Variants in SIL1 observed in about 807,000 individuals in gnomAD.
SIL1 encodes the protein nucleotide exchange factor SIL1.
Under a neutral mutation model 49.1 loss-of-function variants are expected in SIL1, and 40 were observed. The observed-to-expected ratio is 0.81, with a 90% CI of 0.63 to 1.06. The LOEUF is 1.06. Among genes scored for constraint, SIL1 ranks in the 50% least tolerant of loss-of-function variants. The pLI is 0.00. For synonymous variants in SIL1, 253 were observed against 250.8 expected, an observed-to-expected ratio of 1.01 and a Z score of -0.08; for missense variants, 500 against 572.6, an observed-to-expected ratio of 0.87 and a Z score of 1.29.
At chr5:139,068,546 G>A (rs1769756372) in intron 3 of SIL1, among the ~76,000 whole-genome samples, 1 of 151,532 alleles carries the variant, frequency 6.6e-6, no homozygotes, top group East Asian at 1.9e-4. Context: ...TAAAACTGGA[G>A]GAGTAAAACA....
rs1311748131 is a variant in SIL1, at chr5:139,002,099, TACCTGGGG to T, written c.767+19064_767+19071del. Among the ~76,000 whole-genome samples, 6 of 151,752 alleles carry T rather than the reference TACCTGGGG, an allele frequency of 4.0e-5. No individual in the cohort carries two copies. The East Asian group carries it at 1.2e-3, about 29-fold the overall frequency. On this transcript the variant is annotated intron_variant, in intron 7 of 9. Coordinates refer to ENST00000394817, the MANE Select transcript of SIL1 (RefSeq NM_022464.5). Reference sequence around the variant, plus strand: ...GGTGGCACTCACCTGTAGTCCCAGCTACCTGGGGGACTGGGGCAAGAGGATTGCTTGAA... The same window carrying T: ...GGTGGCACTCACCTGTAGTCCCAGCTGACTGGGGCAAGAGGATTGCTTGAA...
intron 7 of SIL1, among the ~76,000 whole-genome samples, chr5:138,963,960 T>C (rs1378198822): frequency 6.6e-6 from 1 of 152,190 alleles, no homozygotes; most frequent in African/African-American, 2.4e-5. Flanking sequence ...CAGGTCTCAC[T>C]GGAGGCTGAG....
intron 7 of SIL1, among the ~76,000 whole-genome samples, chr5:138,983,672 C>T (rs377264220): frequency 6.6e-6 from 1 of 151,984 alleles, no homozygotes; most frequent in Non-Finnish European, 1.5e-5. Context: ...CTACCCTGCC[C>T]GGACTCCCAC....
intron 3 of SIL1, among the ~76,000 whole-genome samples, chr5:139,120,210 T>C (rs1171553145): frequency 6.6e-6 from 1 of 152,174 alleles, no homozygotes; most frequent in African/African-American, 2.4e-5. Flanking sequence ...GCCATCCACC[T>C]TGCCACTCCT....
chr5:139,150,109 T>C (rs933730737), intron 1 of SIL1, among the ~76,000 whole-genome samples: 1 of 152,200 alleles, frequency 6.6e-6, no homozygotes. Flanking sequence ...CTTCACTTAA[T>C]AGAAGGAGCC....
chr5:139,027,061 A>G lies in SIL1; in HGVS notation c.454-69T>C, dbSNP rs1768674171. 5 of 1,468,620 alleles carry G rather than the reference A, an allele frequency of 3.4e-6. No individual in the cohort carries two copies. The Admixed American group carries it at 7.1e-5, about 21-fold the overall frequency. 91.0% of individuals were successfully genotyped at this position (1,468,620 alleles called of 1,614,324 possible). On this transcript the variant is annotated intron_variant, in intron 5 of 9. Coordinates refer to ENST00000394817, the MANE Select transcript of SIL1 (RefSeq NM_022464.5). ...CTGCCCAAGATGTCTGTGGTCTACCATGGATGCCCATCCTCAAAAAACTGC... is the reference window on the plus strand; with the variant it reads ...CTGCCCAAGATGTCTGTGGTCTACCGTGGATGCCCATCCTCAAAAAACTGC...
At chr5:138,960,719 T>C (rs911676781) in intron 7 of SIL1, among the ~76,000 whole-genome samples, 1 of 152,198 alleles carries the variant, frequency 6.6e-6, no homozygotes, top group Non-Finnish European at 1.5e-5. Flanking sequence ...ACCTCCCAAG[T>C]GCTGGGATTA....
intron 3 of SIL1, among the ~76,000 whole-genome samples, chr5:139,060,231 G>A (rs1449272925): frequency 1.3e-5 from 2 of 152,024 alleles, no homozygotes; most frequent in South Asian, 2.1e-4. Context: ...TCTAAGAGTC[G>A]GAGCTATAAA....
chr5:139,130,321 T>G (rs1271705172), intron 1 of SIL1, among the ~76,000 whole-genome samples: 1 of 152,104 alleles, frequency 6.6e-6, no homozygotes, highest in Admixed American at 6.6e-5. Context: ...GCAAAGGACT[T>G]GAATAAACAT....
At chr5:139,054,773 T>G (rs895170420) in intron 3 of SIL1, among the ~76,000 whole-genome samples, 1 of 152,162 alleles carries the variant, frequency 6.6e-6, no homozygotes, top group African/African-American at 2.4e-5. Context: ...AATTACTCCC[T>G]TCACATAAGC....
chr5:139,148,544 A>T (rs1394057186), intron 1 of SIL1, among the ~76,000 whole-genome samples: 44 of 152,206 alleles, frequency 2.9e-4, no homozygotes, highest in Admixed American at 2.9e-3. Flanking sequence ...ATATCCTGGA[A>T]ACAGTCTGTC....
intron 1 of SIL1, among the ~76,000 whole-genome samples, chr5:139,170,981 C>A (rs1306199266): frequency 6.7e-6 from 1 of 148,688 alleles, no homozygotes; most frequent in Non-Finnish European, 1.5e-5. Flanking sequence ...GGCCAGCCGC[C>A]CCGTCCGGGA....
At chr5:139,164,527 G>A (rs948129966) in intron 1 of SIL1, among the ~76,000 whole-genome samples, 5 of 152,042 alleles carry the variant, frequency 3.3e-5, no homozygotes, top group South Asian at 2.1e-4. Context: ...CCCTAGGGTC[G>A]GGCCCATGGG....
chr5:139,105,638 C>T (rs140940011), intron 3 of SIL1, among the ~76,000 whole-genome samples: 2 of 152,132 alleles, frequency 1.3e-5, no homozygotes, highest in East Asian at 1.9e-4. Context: ...CATGCAGGCC[C>T]GGGAGTGCAG....
At position 139,153,221 on chromosome 5, in the gene SIL1, C is replaced by T. The variant is rs181221406; in HGVS notation, c.-10-25368G>A. On this transcript the variant is annotated intron_variant, in intron 1 of 9. Transcript: ENST00000394817. ...TCCCTCTGCTTGGAATGCCATTTCC[C>T]CTCCTCTTTATCTGACAAATTCCTA... Among the ~76,000 whole-genome samples, 9 of 152,240 alleles carry T rather than the reference C, an allele frequency of 5.9e-5. No individual in the cohort carries two copies. In the East Asian group the frequency reaches 1.7e-3, roughly 29 times the overall value.
Position 139,129,064 on chromosome 5 carries a change from G to A in SIL1, c.-10-1211C>T, listed in dbSNP as rs534012804. Among the ~76,000 whole-genome samples, 73 of 152,230 alleles carry A rather than the reference G, an allele frequency of 4.8e-4. No individual in the cohort carries two copies. The South Asian group carries it at 9.9e-3, about 21-fold the overall frequency. On this transcript the variant is annotated intron_variant, in intron 1 of 9. Coordinates refer to ENST00000394817, the MANE Select transcript of SIL1 (RefSeq NM_022464.5). ...TAGGAGGCTGAGGTGGGAGGATCGC[G>A]TAAGCCTGGGAGGCAAAGGTTGCGG... is the stretch of plus-strand genomic sequence containing the variant.
intron 1 of SIL1, among the ~76,000 whole-genome samples, chr5:139,130,247 G>A (rs1319787177): frequency 6.6e-6 from 1 of 152,096 alleles, no homozygotes. Context: ...TAATGCCACT[G>A]TGCTCCGGCC....
At chr5:139,070,695 A>G (rs1156701971) in intron 3 of SIL1, among the ~76,000 whole-genome samples, 4 of 152,224 alleles carry the variant, frequency 2.6e-5, no homozygotes, top group Admixed American at 6.5e-5. Flanking sequence ...AATAATTACA[A>G]TGAATTAAAG....
At chr5:139,093,724 G>A (rs1008596196) in intron 3 of SIL1, 1 of 152,120 alleles carries the variant, frequency 6.6e-6, no homozygotes, top group African/African-American at 2.4e-5. Context: ...AGGCTCTACT[G>A]AACAGGATTT....
Sources: allele counts gnomAD v4.1 joint callset (sites outside exome capture counted in the v4.1 genomes callset), GRCh38; gene constraint gnomAD v4.1.1; transcripts MANE v1.5; gene names NCBI Gene and HGNC (gene_info 2026-07-23, HGNC 2026-07-21).